LHFPL6: variants seen among roughly 807,000 people sequenced by gnomAD.
The protein encoded by LHFPL6 is LHFPL tetraspan subfamily member 6.
LHFPL6 carries 9 observed loss-of-function variants against 20.6 expected under a neutral mutation model. The observed-to-expected ratio is 0.44, with a 90% confidence interval of 0.26 to 0.76. LHFPL6 has a LOEUF of 0.76. LHFPL6 is among the 30% of genes least tolerant of loss of function. The pLI, the probability that LHFPL6 is intolerant of heterozygous loss-of-function variation, is 0.20. For missense variants in LHFPL6, 218 were observed against 253.5 expected, an observed-to-expected ratio of 0.86 and a Z score of 0.95; for synonymous variants, 105 against 98.7, an observed-to-expected ratio of 1.06 and a Z score of -0.38.
At chr13:39,475,636 G>A (rs1251653993) in intron 2 of LHFPL6, among the ~76,000 whole-genome samples, 2 of 152,060 alleles carry the variant, frequency 1.3e-5, no homozygotes, top group African/African-American at 2.4e-5. Context: ...ACACAAGGGG[G>A]CTTCCCAGAC....
At chr13:39,347,613 A>C (rs201316326) in intron 3 of LHFPL6, among the ~76,000 whole-genome samples, 1 of 139,238 alleles carries the variant, frequency 7.2e-6, no homozygotes, top group Admixed American at 7.1e-5. Flanking sequence ...GACCTCCATT[A>C]ATACAGATAG....
intron 2 of LHFPL6, among the ~76,000 whole-genome samples, chr13:39,595,512 C>T (rs1484997239): frequency 3.3e-5 from 5 of 152,156 alleles, no homozygotes; most frequent in African/African-American, 7.2e-5. Flanking sequence ...AGGCTGGTCT[C>T]GAGCTCCTGG....
intron 2 of LHFPL6, among the ~76,000 whole-genome samples, chr13:39,477,990 A>C (rs1034624759): frequency 6.6e-6 from 1 of 152,222 alleles, no homozygotes; most frequent in Non-Finnish European, 1.5e-5. Flanking sequence ...GTTACTGCTA[A>C]TTTAACAGCA....
chr13:39,596,377 C>T (rs1219845172), intron 2 of LHFPL6, among the ~76,000 whole-genome samples: 1 of 152,122 alleles, frequency 6.6e-6, no homozygotes, highest in African/African-American at 2.4e-5. Context: ...AAATGGTTAA[C>T]TCAGAACATG....
At chr13:39,582,830 C>T (rs1013213420) in intron 2 of LHFPL6, among the ~76,000 whole-genome samples, 8 of 152,146 alleles carry the variant, frequency 5.3e-5, no homozygotes, top group African/African-American at 1.9e-4. Flanking sequence ...AGACAGACAT[C>T]GTCATATTTA....
chr13:39,442,925 T>C (rs899046584), intron 2 of LHFPL6, among the ~76,000 whole-genome samples: 10 of 150,148 alleles, frequency 6.7e-5, no homozygotes, highest in Admixed American at 2.0e-4. Context: ...TCTTGTCTCT[T>C]TCTCTCTCTC....
chr13:39,343,603 T>TTGTG lies in LHFPL6; in HGVS notation c.*329_*332dup, dbSNP rs67172252. 0.041 allele frequency: 7,889 copies of TTGTG among 194,324 alleles called. 163 individuals carry two copies. The highest frequency in any genetic ancestry group is 0.099 in the South Asian group (425 of 4,296). 12.0% of individuals were successfully genotyped at this position (194,324 alleles called of 1,614,324 possible). ...ACCCTTGTTTGTATATGTAGATTTG[T>TTGTG]TGTGTGTGTGTGTGTGTGTGTGTGT... On this transcript the variant is annotated 3_prime_UTR_variant, in exon 4 of 4. Transcript: ENST00000379589.
intron 2 of LHFPL6, among the ~76,000 whole-genome samples, chr13:39,413,434 A>AT (rs11292419): frequency 0.17 from 19,441 of 117,774 alleles, 1,940 homozygotes; most frequent in African/African-American, 0.29. Flanking sequence ...ACTACTCAGG[A>AT]TTTTTTTTTT....
At chr13:39,599,369 A>G (rs1872861956) in intron 2 of LHFPL6, among the ~76,000 whole-genome samples, 1 of 152,260 alleles carries the variant, frequency 6.6e-6, no homozygotes, top group Admixed American at 6.5e-5. Context: ...TATTCTTAAA[A>G]TTTGTAAGTT....
At chr13:39,480,674 A>C (rs1420815198) in intron 2 of LHFPL6, among the ~76,000 whole-genome samples, 1 of 152,126 alleles carries the variant, frequency 6.6e-6, no homozygotes, top group African/African-American at 2.4e-5. Flanking sequence ...ACTCAAGAAA[A>C]ACTTGTGTAG....
rs3222813 is a variant in LHFPL6 at position 39,572,288 on chromosome 13, CTGTGTGTGTGTGTG to C, written c.385+28530_385+28543del. On this transcript the variant is annotated intron_variant, in intron 2 of 3. Transcript: ENST00000379589. The stretch of plus-strand genomic sequence containing the variant: ...GCCGTGGTAGTATATTTTTTAAACT[CTGTGTGTGTGTGTG>C]TGTGTGTGTGTGTGTGTGTGTGTGT... Among the ~76,000 whole-genome samples, 6 of 143,406 alleles carry C rather than the reference CTGTGTGTGTGTGTG, an allele frequency of 4.2e-5. No individual in the cohort carries two copies. The East Asian group carries it at 6.3e-4, about 15-fold the overall frequency. 94.1% of individuals were successfully genotyped at this position (143,406 alleles called of 152,430 possible).
intron 2 of LHFPL6, among the ~76,000 whole-genome samples, chr13:39,563,091 A>AAC (rs60324329): frequency 0.089 from 12,091 of 135,526 alleles, 618 homozygotes; most frequent in East Asian, 0.13. Context: ...CAATACTAGA[A>AAC]ACACACACAC....
At chr13:39,366,884 C>T (rs1870026200) in intron 3 of LHFPL6, among the ~76,000 whole-genome samples, 1 of 152,160 alleles carries the variant, frequency 6.6e-6, no homozygotes, top group African/African-American at 2.4e-5. Context: ...TCTTTATTTA[C>T]CCCAGAGAAA....
At chr13:39,402,112 CATA>C (rs1243411401) in intron 2 of LHFPL6, among the ~76,000 whole-genome samples, 1 of 152,166 alleles carries the variant, frequency 6.6e-6, no homozygotes, top group African/African-American at 2.4e-5. Flanking sequence ...TAAAATACCT[CATA>C]ATATTTTTGA....
intron 3 of LHFPL6, among the ~76,000 whole-genome samples, chr13:39,365,270 T>C (rs1869982673): frequency 6.6e-6 from 1 of 152,148 alleles, no homozygotes; most frequent in African/African-American, 2.4e-5. Context: ...TTCCTCGTGA[T>C]GTTATTAATC....
At chr13:39,379,723 C>A (rs1171182878) in intron 2 of LHFPL6, among the ~76,000 whole-genome samples, 1 of 152,210 alleles carries the variant, frequency 6.6e-6, no homozygotes, top group Non-Finnish European at 1.5e-5. Flanking sequence ...CTGTCCTCAA[C>A]TACCCTGAGG....
At chr13:39,523,929 T>C (rs1870202787) in intron 2 of LHFPL6, among the ~76,000 whole-genome samples, 2 of 152,158 alleles carry the variant, frequency 1.3e-5, no homozygotes, top group Non-Finnish European at 1.5e-5. Flanking sequence ...CAAAGGAAAG[T>C]TAACATTATC....
intron 2 of LHFPL6, among the ~76,000 whole-genome samples, chr13:39,523,296 G>A (rs551357607): frequency 1.6e-4 from 24 of 152,292 alleles, no homozygotes; most frequent in African/African-American, 4.6e-4. Context: ...CAGGCCAGGC[G>A]CGGTGGCTCA....
chr13:39,601,470 C>T (rs1253707997), intron 1 of LHFPL6, 80 bp from the exon 2 acceptor site: 14 of 357,068 alleles, frequency 3.9e-5, no homozygotes, highest in Non-Finnish European at 6.6e-5. Context: ...CTACAATTTT[C>T]AATTAATAAA....
Sources: allele counts gnomAD v4.1 joint callset (sites outside exome capture counted in the v4.1 genomes callset), GRCh38; gene constraint gnomAD v4.1.1; transcripts MANE v1.5; gene names NCBI Gene and HGNC (gene_info 2026-07-23, HGNC 2026-07-21).